The following LANCL3 variants were observed in gnomAD, a reference collection of about 807,000 sequenced individuals.
LANCL3 encodes LanC like family member 3.
A neutral mutation model predicts 26.5 loss-of-function variants in LANCL3; 19 were observed. That is an observed-to-expected ratio of 0.72 (90% CI 0.50 to 1.05). LANCL3 has a LOEUF of 1.05. LANCL3 is among the 50% of genes least tolerant of loss of function. The pLI is 0.00. For missense variants in LANCL3, 318 were observed against 362.7 expected, an observed-to-expected ratio of 0.88 and a Z score of 1.00; for synonymous variants, 160 against 166.6, an observed-to-expected ratio of 0.96 and a Z score of 0.30.
At chrX:37,633,149 G>GTT (rs202182589) in intron 1 of LANCL3, among the ~76,000 whole-genome samples, 4 of 99,523 alleles carry the variant, frequency 4.0e-5, no homozygotes, top group Non-Finnish European at 4.1e-5. Flanking sequence ...GGCTTTGTTC[G>GTT]TTTTTTTTTT....
chrX:37,660,115 T>G (rs1336817723), intron 3 of LANCL3, among the ~76,000 whole-genome samples: 3 of 111,709 alleles, frequency 2.7e-5, no homozygotes, highest in African/African-American at 6.5e-5. Flanking sequence ...TTTATACTTA[T>G]GTCAAATGTC....
intron 1 of LANCL3, among the ~76,000 whole-genome samples, chrX:37,588,854 A>G (rs1924186411): frequency 1.8e-5 from 2 of 112,178 alleles, no homozygotes; most frequent in African/African-American, 6.5e-5. Context: ...TGGTTATGGC[A>G]TTATGCGCAG....
intron 1 of LANCL3, among the ~76,000 whole-genome samples, chrX:37,584,021 A>G (rs1287942714): frequency 1.8e-5 from 2 of 111,634 alleles, no homozygotes; most frequent in Non-Finnish European, 3.8e-5. Flanking sequence ...AGAGTTTTTA[A>G]CATGAAGGGC....
At chrX:37,588,695 T>G (rs17246155) in intron 1 of LANCL3, among the ~76,000 whole-genome samples, 1,559 of 111,650 alleles carry the variant, frequency 0.014, 9 homozygotes, top group Non-Finnish European at 0.02. Context: ...CTTTAACCAT[T>G]CAATGAACCA....
At chrX:37,664,579 T>C (rs1926499419) in intron 3 of LANCL3, among the ~76,000 whole-genome samples, 1 of 111,779 alleles carries the variant, frequency 8.9e-6, no homozygotes, top group Non-Finnish European at 1.9e-5. Flanking sequence ...CCACTTTTAC[T>C]TTGATTCAGA....
At chrX:37,612,937 A>G (rs782465149) in intron 1 of LANCL3, among the ~76,000 whole-genome samples, 1 of 111,687 alleles carries the variant, frequency 9.0e-6, no homozygotes, top group South Asian at 3.8e-4. Context: ...TCTTATAGCT[A>G]CTATGTCTCT....
At chrX:37,606,387 G>A (rs1924717003) in intron 1 of LANCL3, among the ~76,000 whole-genome samples, 2 of 111,934 alleles carry the variant, frequency 1.8e-5, no homozygotes, top group Admixed American at 9.4e-5. Flanking sequence ...GGGAATGGTC[G>A]TCCCAAAATT....
intron 1 of LANCL3, among the ~76,000 whole-genome samples, chrX:37,625,473 G>A (rs782261805): frequency 6.3e-5 from 7 of 111,124 alleles, no homozygotes; most frequent in Non-Finnish European, 1.1e-4. Flanking sequence ...TAGCTTCTGC[G>A]TACCCATAAT....
rs1392424609 is a variant in LANCL3, at chrX:37,679,313, G to C, written c.*3500G>C. 1 of 111,290 alleles carries C rather than the reference G, an allele frequency of 9.0e-6. No homozygotes were observed. The highest frequency in any genetic ancestry group is 1.9e-5 in the Non-Finnish European group (1 of 52,958). 9.2% of individuals were successfully genotyped at this position (111,290 alleles called of 1,213,427 possible). On this transcript the variant is annotated 3_prime_UTR_variant, in exon 5 of 5. Coordinates refer to ENST00000378619, the MANE Select transcript of LANCL3 (RefSeq NM_001170331.2). ...ATGTGGATGTAGTGCTTGAGGTCTG[G>C]GTCACTAGATGGATAAAAACCAAGT...
At position 37,667,362 on chromosome X, in the gene LANCL3, C is replaced by G. The variant is rs1556434335; in HGVS notation, c.976C>G (p.Leu326Val). ...YLDTCIRCGE[L>V]TWQKGLLKKG... ...GGACACATGTATTCGGTGTGGGGAA[C>G]TCACATGGCAGAAAGGCCTGCTAAA... Residue 326 changes from leucine to valine, a missense_variant, in exon 4 of 5, where the codon CTC (leucine) becomes GTC (valine). Transcript: ENST00000378619. The G allele has an allele frequency of 1.7e-6, 2 of 1,198,513 alleles. No individual in the cohort carries two copies. Among genetic ancestry groups the G allele is most frequent in the South Asian group, 3.7e-5 (2 of 54,512 alleles).
At position 37,574,054 on chromosome X, in the gene LANCL3, C is replaced by CAAAAAAAAAAAAAAAAA. The variant is rs34987799; in HGVS notation, c.573+1616_573+1632dup. ...GAGATGGAACAAGCTTCAAGGATAGCAAAAAAAAAAAAAAAAAAAAACCCA... is the reference window on the plus strand; with the variant it reads ...GAGATGGAACAAGCTTCAAGGATAGCAAAAAAAAAAAAAAAAAAAAAAAAAAAAAAAAAAAAAACCCA... On this transcript the variant is annotated intron_variant, in intron 1 of 4. Coordinates refer to ENST00000378619, the MANE Select transcript of LANCL3 (RefSeq NM_001170331.2). 2.1e-4 allele frequency among the ~76,000 whole-genome samples: 7 copies of CAAAAAAAAAAAAAAAAA among 33,414 alleles called. 2 individuals carry two copies. The highest frequency in any genetic ancestry group is 6.5e-4 in the African/African-American group (7 of 10,788). 29.0% of individuals were successfully genotyped at this position (33,414 alleles called of 115,157 possible).
At chrX:37,664,129 A>T (rs1926484439) in intron 3 of LANCL3, among the ~76,000 whole-genome samples, 1 of 111,908 alleles carries the variant, frequency 8.9e-6, no homozygotes. Flanking sequence ...CTGGGAAATG[A>T]GGCACTTGCT....
intron 2 of LANCL3, among the ~76,000 whole-genome samples, chrX:37,659,088 A>C (rs1294230949): frequency 8.8e-6 from 1 of 113,053 alleles, no homozygotes; most frequent in Admixed American, 9.3e-5. Flanking sequence ...TCTCTAAAAC[A>C]GAGTTTGGTC....
Position 37,677,010 on chromosome X carries a change from A to G in LANCL3, c.*1197A>G, listed in dbSNP as rs1284247288. 8.9e-6 allele frequency: 1 copy of G among 112,017 alleles called. No homozygotes were observed. The highest frequency in any genetic ancestry group is 3.2e-5 in the African/African-American group (1 of 30,859). The allele number at this position is 112,017 out of a possible 1,213,427, so 9.2% of individuals were successfully genotyped here. A position where few individuals can be genotyped will look rare whatever the true frequency, so the allele number is the denominator to read the frequency against. On this transcript the variant is annotated 3_prime_UTR_variant, in exon 5 of 5. Transcript: ENST00000378619. ...ACACTGTAGGAGCATCTGTCACTTC[A>G]TTATGCAGAGCATAAGTTGATCCTT...
chrX:37,661,973 A>T, intron 3 of LANCL3, among the ~76,000 whole-genome samples: 1 of 112,202 alleles, frequency 8.9e-6, no homozygotes. Flanking sequence ...AACACTAACC[A>T]GTTTACTGAC....
intron 3 of LANCL3, among the ~76,000 whole-genome samples, chrX:37,660,036 A>G (rs1926379607): frequency 9.0e-6 from 1 of 111,714 alleles, no homozygotes; most frequent in Non-Finnish European, 1.9e-5. Context: ...ATCTCCATGT[A>G]TATCTGATTT....
intron 1 of LANCL3, among the ~76,000 whole-genome samples, chrX:37,582,499 A>C (rs1556417178): frequency 1.8e-5 from 2 of 111,875 alleles, no homozygotes; most frequent in Non-Finnish European, 3.8e-5. Flanking sequence ...GGGGTGTCTC[A>C]TCATAGTTTT....
chrX:37,681,773 T>A lies in LANCL3; in HGVS notation c.*5960T>A, dbSNP rs1372672504. ...ATAAGAAAAACTTTGTGTTTTCCTCTCTTTCTCCACTCCTTTTGGGGCCCA... is the reference window on the plus strand; with the variant it reads ...ATAAGAAAAACTTTGTGTTTTCCTCACTTTCTCCACTCCTTTTGGGGCCCA... On this transcript the variant is annotated 3_prime_UTR_variant, in exon 5 of 5. Transcript: ENST00000378619. 1.8e-5 allele frequency: 2 copies of A among 111,670 alleles called. No homozygotes were observed. The highest frequency in any genetic ancestry group is 3.8e-5 in the Non-Finnish European group (2 of 53,152). 9.2% of individuals were successfully genotyped at this position (111,670 alleles called of 1,213,427 possible).
chrX:37,586,845 T>C (rs1239790386), intron 1 of LANCL3, among the ~76,000 whole-genome samples: 1 of 107,380 alleles, frequency 9.3e-6, no homozygotes, highest in Non-Finnish European at 1.9e-5. Flanking sequence ...GGTGAGGAGC[T>C]GCATTCCTTT....
Sources: gnomAD v4.1 joint callset for allele counts (sites outside exome capture counted in the v4.1 genomes callset) on GRCh38, gnomAD v4.1.1 for gene constraint, MANE v1.5 for transcripts, NCBI Gene and HGNC (gene_info 2026-07-23, HGNC 2026-07-21) for gene names.